Variants in INPP5A observed in about 807,000 individuals in gnomAD.
INPP5A encodes inositol polyphosphate-5-phosphatase A.
INPP5A carries 14 observed loss-of-function variants against 65.2 expected under a neutral mutation model. The ratio of observed to expected loss-of-function variants is 0.21; its 90% CI spans 0.14 to 0.34. The LOEUF (loss-of-function observed/expected upper bound fraction) is 0.34, where lower values mean the gene tolerates loss of function less well. INPP5A is among the 10% of genes least tolerant of loss of function. INPP5A has a pLI of 1.00. For synonymous variants in INPP5A, 207 were observed against 208.3 expected (o/e 0.99, Z 0.05); for missense variants, 431 against 545.6 (o/e 0.79, Z 2.09).
At position 132,663,220 on chromosome 10, in the gene INPP5A, G is replaced by A. The variant is rs962194112; in HGVS notation, c.306+12715G>A. Among the ~76,000 whole-genome samples the A allele has an allele frequency of 6.6e-5, 10 of 152,134 alleles. No homozygotes were observed. Among genetic ancestry groups the A allele is most frequent in the African/African-American group, 2.4e-4 (10 of 41,422 alleles). On this transcript the variant is annotated intron_variant, in intron 4 of 15. Transcript: ENST00000368594. This position sits in a 1 kb window ranked among gnomAD's most constrained non-coding sequence, Gnocchi z 4.5. ...ATAAAATTGAAAAGACTTTCTTCTCGTTAAATCTTATTTTATTTTGACACA... is the reference window on the plus strand; with the variant it reads ...ATAAAATTGAAAAGACTTTCTTCTCATTAAATCTTATTTTATTTTGACACA...
intron 4 of INPP5A, among the ~76,000 whole-genome samples, chr10:132,684,745 C>T (rs930923175): frequency 1.3e-5 from 2 of 152,230 alleles, no homozygotes; most frequent in African/African-American, 2.4e-5. Context: ...TTGGCCTCTC[C>T]GTGATGTCCT....
rs1246187253 is a variant in INPP5A at position 132,616,804 on chromosome 10, G to T, written c.117+8848G>T. On this transcript the variant is annotated intron_variant, in intron 2 of 15. Coordinates refer to ENST00000368594, the MANE Select transcript of INPP5A (RefSeq NM_005539.5). The surrounding 1 kb of genome is among the most constrained non-coding windows in gnomAD (Gnocchi z 4.9). ...GGGTCCTGGATCTCCTGTAGCTCTGGCCAGTGGCGAGTGGCACCATGCAGC... is the reference window on the plus strand; with the variant it reads ...GGGTCCTGGATCTCCTGTAGCTCTGTCCAGTGGCGAGTGGCACCATGCAGC... Among the ~76,000 whole-genome samples the T allele has an allele frequency of 6.6e-6, 1 of 152,042 alleles. No individual in the cohort carries two copies. The highest frequency in any genetic ancestry group is 1.5e-5 in the Non-Finnish European group (1 of 67,982).
At chr10:132,574,061 G>A (rs71481927) in intron 1 of INPP5A, among the ~76,000 whole-genome samples, 4 of 7,394 alleles carry the variant, frequency 5.4e-4, no homozygotes, top group African/African-American at 1.0e-3. Context: ...GTTGGGGTGT[G>A]CGTGCCGTGG....
chr10:132,783,338 G>C lies in INPP5A; in HGVS notation c.*1309G>C, dbSNP rs762303039. 3 of 152,438 alleles carry C rather than the reference G, an allele frequency of 2.0e-5. No individual in the cohort carries two copies. Among genetic ancestry groups the C allele is most frequent in the Non-Finnish European group, 4.4e-5 (3 of 68,036 alleles). The allele number at this position is 152,438 out of a possible 1,614,324, so 9.4% of individuals were successfully genotyped here. On this transcript the variant is annotated 3_prime_UTR_variant, in exon 16 of 16. Coordinates refer to ENST00000368594, the MANE Select transcript of INPP5A (RefSeq NM_005539.5). The stretch of plus-strand genomic sequence containing the variant: ...GGAATCTGTTCTTGGTGGAAGCACA[G>C]GTCCGTGTCGCTGCTGTGGTTGCCG...
rs779586732 is a variant in INPP5A at position 132,547,294 on chromosome 10, G to C, written c.75+9123G>C. On this transcript the variant is annotated intron_variant, in intron 1 of 15. Transcript: ENST00000368594. This position sits in a 1 kb window ranked among gnomAD's most constrained non-coding sequence, Gnocchi z 5.5. ...TGGTTTCTGGACTGTCAGCCTTTGG[G>C]CTGAGTGAGGCGTTACTGCCATCAG... is the stretch of plus-strand genomic sequence containing the variant. Among the ~76,000 whole-genome samples the C allele has an allele frequency of 6.6e-6, 1 of 152,226 alleles. No homozygotes were observed. Among genetic ancestry groups the C allele is most frequent in the Non-Finnish European group, 1.5e-5 (1 of 68,036 alleles).
At position 132,575,197 on chromosome 10, in the gene INPP5A, G is replaced by A. The variant is rs1209143426; in HGVS notation, c.76-32718G>A. ...TCCTCCGCAGGCTGGCGTTTGCACCGGCCTGGACACATCGCAACCCTGACC... is the reference window on the plus strand; with the variant it reads ...TCCTCCGCAGGCTGGCGTTTGCACCAGCCTGGACACATCGCAACCCTGACC... On this transcript the variant is annotated intron_variant, in intron 1 of 15. Coordinates refer to ENST00000368594, the MANE Select transcript of INPP5A (RefSeq NM_005539.5). This position sits in a 1 kb window ranked among gnomAD's most constrained non-coding sequence, Gnocchi z 5.4. 3.3e-5 allele frequency among the ~76,000 whole-genome samples: 5 copies of A among 152,094 alleles called. No homozygotes were observed. The highest frequency in any genetic ancestry group is 7.4e-5 in the Non-Finnish European group (5 of 67,962).
intron 8 of INPP5A, among the ~76,000 whole-genome samples, chr10:132,721,162 A>C (rs1302880516): frequency 1.3e-5 from 2 of 150,518 alleles, no homozygotes; most frequent in African/African-American, 4.9e-5. Context: ...GGCGCCATAG[A>C]CGGCTGTCTT....
chr10:132,538,282 G>C lies in INPP5A; in HGVS notation c.75+111G>C. 6.2e-6 allele frequency: 3 copies of C among 480,268 alleles called. No homozygotes were observed. Among genetic ancestry groups the C allele is most frequent in the Non-Finnish European group, 9.1e-6 (3 of 329,068 alleles). The allele number at this position is 480,268 out of a possible 1,614,324, so 29.8% of individuals were successfully genotyped here. ...GGACCGTGAACCTCCAGACCCAGAG[G>C]CCCCAGACTCTGATCCCTGTACCCG... is the stretch of plus-strand genomic sequence containing the variant. On this transcript the variant is annotated intron_variant, in intron 1 of 15. Transcript: ENST00000368594. This position sits in a 1 kb window ranked among gnomAD's most constrained non-coding sequence, Gnocchi z 4.1.
At chr10:132,660,027 C>T (rs75161603) in intron 4 of INPP5A, among the ~76,000 whole-genome samples, 6,437 of 152,332 alleles carry the variant, frequency 0.042, 185 homozygotes, top group Middle Eastern at 0.082. Flanking sequence ...ACCCACGGCA[C>T]GTTCCCGCGC....
At chr10:132,720,415 G>T (rs1845847352) in intron 8 of INPP5A, among the ~76,000 whole-genome samples, 2 of 143,132 alleles carry the variant, frequency 1.4e-5, no homozygotes, top group Non-Finnish European at 1.5e-5. Context: ...CGGGTTCTGT[G>T]GTACCTGGGT....
In INPP5A at chr10:132,704,439, C is replaced by T. The variant is rs752982745; in HGVS notation, c.475-3874C>T. On this transcript the variant is annotated intron_variant, in intron 6 of 15. Coordinates refer to ENST00000368594, the MANE Select transcript of INPP5A (RefSeq NM_005539.5). The surrounding 1 kb of genome is among the most constrained non-coding windows in gnomAD (Gnocchi z 4.5). ...GTGAGCCTCAGTTTCCCTTTCTGGT[C>T]GGCCCGAGGGTTGGGTGTGTGCCTG... Among the ~76,000 whole-genome samples, 11 of 152,362 alleles carry T rather than the reference C, an allele frequency of 7.2e-5. No individual in the cohort carries two copies. The highest frequency in any genetic ancestry group is 2.4e-4 in the African/African-American group (10 of 41,588).
chr10:132,776,874 G>T (rs1272927149), intron 12 of INPP5A, among the ~76,000 whole-genome samples: 1 of 152,166 alleles, frequency 6.6e-6, no homozygotes. Flanking sequence ...TGATCAGTCC[G>T]TGTGTGCGTG....
At chr10:132,619,624 T>TA (rs2072085641) in intron 2 of INPP5A, among the ~76,000 whole-genome samples, 1 of 152,190 alleles carries the variant, frequency 6.6e-6, no homozygotes, top group Non-Finnish European at 1.5e-5. Flanking sequence ...ACTGCCCCTA[T>TA]AGAGGTTCTG....
intron 2 of INPP5A, among the ~76,000 whole-genome samples, chr10:132,608,394 C>T (rs933613258): frequency 7.9e-5 from 12 of 152,308 alleles, no homozygotes; most frequent in South Asian, 6.2e-4. Context: ...TGGAGGGTTT[C>T]GGGCTGGCAC....
intron 2 of INPP5A, among the ~76,000 whole-genome samples, chr10:132,635,412 T>TTTTTG (rs1269248512): frequency 7.3e-6 from 1 of 137,466 alleles, no homozygotes; most frequent in Non-Finnish European, 1.6e-5. Flanking sequence ...TTTTTTTTTT[T>TTTTTG]TGAGACGGAG....
At chr10:132,733,690 C>G (rs1004175808) in intron 9 of INPP5A, among the ~76,000 whole-genome samples, 1 of 152,220 alleles carries the variant, frequency 6.6e-6, no homozygotes, top group African/African-American at 2.4e-5. Flanking sequence ...ATACCGGCAC[C>G]AGATCAGGCT....
chr10:132,628,367 C>T (rs765375985), intron 2 of INPP5A, among the ~76,000 whole-genome samples: 12 of 145,550 alleles, frequency 8.2e-5, no homozygotes, highest in African/African-American at 2.2e-4. Context: ...TCCACCGGGC[C>T]GGCAGCACCA....
chr10:132,661,916 A>T lies in INPP5A; in HGVS notation c.306+11411A>T, dbSNP rs538088845. ...GAGGTATCAGTGGACTTCAGCAGTG[A>T]GTGAATGATCTTTTCCACAAAGGGT... On this transcript the variant is annotated intron_variant, in intron 4 of 15. Coordinates refer to ENST00000368594, the MANE Select transcript of INPP5A (RefSeq NM_005539.5). Among the ~76,000 whole-genome samples, 19 of 152,336 alleles carry T rather than the reference A, an allele frequency of 1.2e-4. No individual in the cohort carries two copies. The East Asian group carries it at 3.3e-3, about 26-fold the overall frequency.
chr10:132,719,174 G>C (rs1183159156), intron 8 of INPP5A, among the ~76,000 whole-genome samples: 6 of 144,782 alleles, frequency 4.1e-5, no homozygotes, highest in Non-Finnish European at 9.1e-5. Flanking sequence ...CGGCTGTCTT[G>C]CGGGTTCTGT....
Sources: allele counts gnomAD v4.1 joint callset (sites outside exome capture counted in the v4.1 genomes callset), GRCh38; gene constraint gnomAD v4.1.1; non-coding constraint Gnocchi (gnomAD v3.1); transcripts MANE v1.5; gene names NCBI Gene and HGNC (gene_info 2026-07-23, HGNC 2026-07-21).